Variants in SYMPK observed in about 807,000 individuals in gnomAD.
SYMPK encodes symplekin.
In SYMPK, 49 loss-of-function variants were observed where a neutral mutation model predicts 136.4. The observed-to-expected ratio is 0.36, with a 90% CI of 0.29 to 0.46. The LOEUF is 0.46. Ranked by LOEUF, SYMPK falls within the 20% of genes least tolerant of loss-of-function variation. The probability of loss-of-function intolerance (pLI) is 1.00; values close to 1 mark genes in which losing one functional copy is unlikely to be tolerated. For missense variants in SYMPK, 1,365 were observed against 1,690.0 expected (o/e 0.81, Z 3.37); for synonymous variants, 766 against 713.0 (o/e 1.07, Z -1.19).
At chr19:45,822,481 G>A (rs944951094) in intron 21 of SYMPK, among the ~76,000 whole-genome samples, 1 of 152,180 alleles carries the variant, frequency 6.6e-6, no homozygotes. Context: ...GGGCCTGAGA[G>A]GGGCTGGTGT....
chr19:45,825,454 G>C, intron 17 of SYMPK, 123 bp from the exon 18 acceptor site: 2 of 1,249,770 alleles, frequency 1.6e-6, no homozygotes, highest in African/African-American at 3.0e-5. Context: ...CGGGGCTGGG[G>C]AGCTAATTGT....
At chr19:45,844,638 G>A (rs997951901) in intron 7 of SYMPK, among the ~76,000 whole-genome samples, 40 of 151,766 alleles carry the variant, frequency 2.6e-4, no homozygotes, top group Non-Finnish European at 5.3e-4. Flanking sequence ...TCGCGCCACT[G>A]CACTCCAGCC....
In SYMPK at chr19:45,821,279, G is replaced by A. The variant is rs1970885485; in HGVS notation, c.2893+105C>T. ...AGAGCTCTGAGGTGGGGCTGTGAGT[G>A]ACAGTCTTTGACTTGGCAGATTCCA... On this transcript the variant is annotated intron_variant, in intron 22 of 26. Transcript: ENST00000245934. This position sits in a 1 kb window ranked among gnomAD's most constrained non-coding sequence, Gnocchi z 4.4. 1.2e-6 allele frequency: 1 copy of A among 868,340 alleles called. No individual in the cohort carries two copies. Among genetic ancestry groups the A allele is most frequent in the African/African-American group, 1.6e-5 (1 of 60,774 alleles). The allele number at this position is 868,340 out of a possible 1,614,324, so 53.8% of individuals were successfully genotyped here.
Position 45,827,572 on chromosome 19 carries a change from G to C in SYMPK, c.2119C>G (p.Pro707Ala). 6.2e-7 allele frequency: 1 copy of C among 1,614,154 alleles called. No homozygotes were observed. The highest frequency in any genetic ancestry group is 8.5e-7 in the Non-Finnish European group (1 of 1,180,020). Residue 707 changes from proline to alanine, a missense_variant, in exon 16 of 27, where the codon CCG (proline) becomes GCG (alanine). Pro to Ala is a conservative substitution (Grantham distance 27). Around this residue, in one of 11 missense-constraint regions of SYMPK, gnomAD observed 303 missense variants for 326.6 expected, o/e 0.93. Transcript: ENST00000245934. ...TGCAGGTACTGGAACTGGCGGGACG[G>C]GCGCTTGAAGATCAGGTCTCGAAGT... ...STLRDLIFKR[P>A]SRQFQYLHVL...
At chr19:45,843,597 T>C (rs1417012007) in intron 8 of SYMPK, among the ~76,000 whole-genome samples, 1 of 152,160 alleles carries the variant, frequency 6.6e-6, no homozygotes, top group African/African-American at 2.4e-5. Flanking sequence ...ATCTCAGGCC[T>C]GCCAGATGGA....
At chr19:45,850,038 T>A (rs1176017839) in intron 5 of SYMPK, among the ~76,000 whole-genome samples, 1 of 150,460 alleles carries the variant, frequency 6.6e-6, no homozygotes, top group Admixed American at 6.6e-5. Flanking sequence ...AGAGCGAAAC[T>A]CCATCTCAAA....
intron 7 of SYMPK, among the ~76,000 whole-genome samples, chr19:45,845,929 G>A (rs1030450401): frequency 2.6e-5 from 4 of 152,088 alleles, no homozygotes; most frequent in South Asian, 4.1e-4. Flanking sequence ...TGACTTGAAC[G>A]CCACATTATT....
intron 7 of SYMPK, among the ~76,000 whole-genome samples, chr19:45,847,514 T>C (rs68022879): frequency 0.056 from 8,479 of 151,964 alleles, 285 homozygotes; most frequent in South Asian, 0.087. Context: ...AGTGGTACTA[T>C]GTTATCGTCT....
intron 1 of SYMPK, among the ~76,000 whole-genome samples, chr19:45,857,307 G>A (rs1971845498): frequency 3.4e-5 from 5 of 147,518 alleles, no homozygotes; most frequent in Non-Finnish European, 7.5e-5. Flanking sequence ...CTACTCGGGA[G>A]GCTGAGGCAG....
At chr19:45,823,933 T>C in intron 18 of SYMPK, 58 bp from the exon 19 acceptor site, 3 of 1,399,022 alleles carry the variant, frequency 2.1e-6, no homozygotes, top group Non-Finnish European at 2.9e-6. Flanking sequence ...GAGGGTCAGG[T>C]GTTGCCCGGC....
At chr19:45,827,745 G>A (rs558257881) in intron 15 of SYMPK, 92 bp downstream of exon 15, 208 of 1,524,482 alleles carry the variant, frequency 1.4e-4, no homozygotes, top group Middle Eastern at 1.7e-4. Flanking sequence ...CAAAACCCCC[G>A]GCCACAAGGT....
intron 22 of SYMPK, chr19:45,820,831 CA>C: frequency 4.8e-6 from 2 of 418,654 alleles, no homozygotes; most frequent in Admixed American, 8.3e-5. Flanking sequence ...TGGAAGTGAA[CA>C]TACCCACCAA....
At chr19:45,827,974 G>C (rs1259791525) in intron 14 of SYMPK, 56 bp from the exon 15 acceptor site, 5 of 1,547,156 alleles carry the variant, frequency 3.2e-6, no homozygotes, top group African/African-American at 1.4e-5. Context: ...CCTGGCTCCC[G>C]GGCCCTGCTG....
chr19:45,828,110 A>AC, intron 14 of SYMPK, 192 bp from the exon 15 acceptor site: 1 of 571,540 alleles, frequency 1.7e-6, no homozygotes, highest in South Asian at 2.0e-5. Flanking sequence ...CTGGGCAGAG[A>AC]CTGCACCTCT....
In SYMPK at chr19:45,863,140, C is replaced by T. The variant is rs1972016570; in HGVS notation, c.-95G>A. The T allele has an allele frequency of 7.4e-6, 3 of 406,294 alleles. No individual in the cohort carries two copies. Among genetic ancestry groups the T allele is most frequent in the Admixed American group, 4.4e-5 (1 of 22,812 alleles). 25.2% of individuals were successfully genotyped at this position (406,294 alleles called of 1,614,324 possible). A position where few individuals can be genotyped will look rare whatever the true frequency, so the allele number is the denominator to read the frequency against. On this transcript the variant is annotated 5_prime_UTR_variant, in exon 1 of 27. Coordinates refer to ENST00000245934, the MANE Select transcript of SYMPK (RefSeq NM_004819.3). ...CGCCGCCGCCGCCGCCGCCATCTTCCGTTCGTCGCCGGGAACGGTGCGCAC... is the reference window on the plus strand; with the variant it reads ...CGCCGCCGCCGCCGCCGCCATCTTCTGTTCGTCGCCGGGAACGGTGCGCAC...
chr19:45,816,760 G>A, intron 24 of SYMPK, 38 bp downstream of exon 24: 2 of 1,499,100 alleles, frequency 1.3e-6, no homozygotes, highest in Non-Finnish European at 1.8e-6. Flanking sequence ...GCACACCCTG[G>A]GTGGGGGGAA....
At chr19:45,848,928 T>C (rs573625754) in intron 5 of SYMPK, 52 bp from the exon 6 acceptor site, 16 of 1,610,434 alleles carry the variant, frequency 9.9e-6, no homozygotes, top group South Asian at 6.6e-5. Context: ...TTAGAGCAAG[T>C]AGGAGGAGCC....
At chr19:45,820,873 C>T (rs1287576565) in intron 22 of SYMPK, 16 of 508,928 alleles carry the variant, frequency 3.1e-5, no homozygotes, top group Non-Finnish European at 3.4e-5. Flanking sequence ...GGCCTGTAGG[C>T]GTTCAGGGAG....
At chr19:45,851,000 G>A (rs1011049396) in intron 5 of SYMPK, among the ~76,000 whole-genome samples, 2 of 152,004 alleles carry the variant, frequency 1.3e-5, no homozygotes, top group African/African-American at 2.4e-5. Context: ...GACAGGCTGC[G>A]AAATCCAACT....
Sources: gnomAD v4.1 joint callset for allele counts (sites outside exome capture counted in the v4.1 genomes callset) on GRCh38, gnomAD v4.1.1 for gene constraint, gnomAD v4.1.1 regional missense constraint, Gnocchi (gnomAD v3.1) non-coding constraint, MANE v1.5 for transcripts, NCBI Gene and HGNC (gene_info 2026-07-23, HGNC 2026-07-21) for gene names.